Variants in TYR observed in about 807,000 individuals in gnomAD.
TYR encodes the protein tyrosinase, also known as LB24-AB.
Under a neutral mutation model 51.5 loss-of-function variants are expected in TYR, and 58 were observed. That is an observed-to-expected ratio of 1.13 (90% confidence interval 0.91 to 1.40). TYR has a LOEUF of 1.40. Ranked by LOEUF, TYR falls within the 40% of genes most tolerant of loss-of-function variation. TYR has a pLI of 0.00. For missense variants in TYR, 732 were observed against 647.4 expected (o/e 1.13, Z -1.42); for synonymous variants, 263 against 235.2 (o/e 1.12, Z -1.08).
intron 2 of TYR, among the ~76,000 whole-genome samples, chr11:89,216,568 G>A (rs910640635): frequency 3.5e-5 from 5 of 142,970 alleles, no homozygotes; most frequent in East Asian, 2.0e-4. Flanking sequence ...CTGGAGAATC[G>A]CTTGAACCCA....
intron 4 of TYR, among the ~76,000 whole-genome samples, chr11:89,286,969 G>T (rs1187111605): frequency 1.3e-5 from 2 of 151,726 alleles, no homozygotes; most frequent in Admixed American, 1.3e-4. Flanking sequence ...GACTTTCATG[G>T]GTTCATGCTT....
At position 89,284,867 on chromosome 11, in the gene TYR, G is replaced by A. The variant is rs1944763640; in HGVS notation, c.1279G>A (p.Val427Ile). 6.2e-7 allele frequency: 1 copy of A among 1,611,800 alleles called. No individual in the cohort carries two copies. Among genetic ancestry groups the A allele is most frequent in the Non-Finnish European group, 8.5e-7 (1 of 1,178,564 alleles). Reference sequence around the variant, plus strand: ...TGGACATAACCGGGAATCCTACATGGTTCCTTTTATACCACTGTACAGAAA... The same window carrying A: ...TGGACATAACCGGGAATCCTACATGATTCCTTTTATACCACTGTACAGAAA... The part of the protein sequence containing the change: ...PIGHNRESYM[V>I]PFIPLYRNGD... Residue 427 changes from valine (V) to isoleucine (I), a missense_variant, in exon 4 of 5, where the codon GTT becomes ATT. Transcript: ENST00000263321.
chr11:89,252,851 A>C (rs12808219), intron 3 of TYR, among the ~76,000 whole-genome samples: 1,919 of 151,826 alleles, frequency 0.013, 21 homozygotes, highest in Middle Eastern at 0.034. Flanking sequence ...ACATTCAGGA[A>C]ATACTCCTTT....
chr11:89,273,119 T>C (rs1433527201), intron 3 of TYR, among the ~76,000 whole-genome samples: 4 of 151,938 alleles, frequency 2.6e-5, no homozygotes, highest in Non-Finnish European at 4.4e-5. Flanking sequence ...ATTTACACCT[T>C]GACTGTATTT....
chr11:89,187,650 A>C (rs1943392697), intron 1 of TYR, among the ~76,000 whole-genome samples: 1 of 152,128 alleles, frequency 6.6e-6, no homozygotes, highest in Non-Finnish European at 1.5e-5. Flanking sequence ...CCCCCGTTTT[A>C]TAAACTATAA....
At chr11:89,190,761 A>G (rs1295166697) in intron 1 of TYR, among the ~76,000 whole-genome samples, 1 of 152,056 alleles carries the variant, frequency 6.6e-6, no homozygotes, top group Non-Finnish European at 1.5e-5. Flanking sequence ...AGGTCCATTT[A>G]TGGTAAGTGT....
chr11:89,290,475 T>C (rs1016021233), intron 4 of TYR, among the ~76,000 whole-genome samples: 1 of 152,118 alleles, frequency 6.6e-6, no homozygotes, highest in Non-Finnish European at 1.5e-5. Context: ...CTATGTATCC[T>C]GCCTTTTTTT....
chr11:89,252,181 T>C (rs1944338592), intron 3 of TYR, among the ~76,000 whole-genome samples: 1 of 151,834 alleles, frequency 6.6e-6, no homozygotes, highest in African/African-American at 2.4e-5. Flanking sequence ...GATATTAGAC[T>C]ATGAGAATCT....
chr11:89,249,835 T>C (rs35963892), intron 3 of TYR, among the ~76,000 whole-genome samples: 18,559 of 151,894 alleles, frequency 0.12, 2,249 homozygotes, highest in African/African-American at 0.31. Flanking sequence ...AAGGAAAAAA[T>C]TGCCACAGCA....
intron 3 of TYR, among the ~76,000 whole-genome samples, chr11:89,259,505 C>T (rs762235259): frequency 6.6e-5 from 10 of 152,006 alleles, no homozygotes; most frequent in Non-Finnish European, 1.3e-4. Context: ...TTGGAAATAA[C>T]ATCAAATATT....
chr11:89,258,447 CAA>C (rs1234640987), intron 3 of TYR, among the ~76,000 whole-genome samples: 4 of 114,458 alleles, frequency 3.5e-5, no homozygotes, highest in Non-Finnish European at 1.9e-5. Flanking sequence ...TGAAAATGTG[CAA>C]AAAAAAAAAA....
At chr11:89,279,817 T>C (rs1365671266) in intron 3 of TYR, among the ~76,000 whole-genome samples, 1 of 151,776 alleles carries the variant, frequency 6.6e-6, no homozygotes. Flanking sequence ...CATGTTTTTA[T>C]ACTGCACTCT....
At chr11:89,212,196 G>T (rs956152527) in intron 2 of TYR, among the ~76,000 whole-genome samples, 1 of 151,918 alleles carries the variant, frequency 6.6e-6, no homozygotes, top group Admixed American at 6.6e-5. Context: ...TAGAACATTA[G>T]CAAGACTAAT....
At chr11:89,274,589 A>C (rs1208094332) in intron 3 of TYR, among the ~76,000 whole-genome samples, 16 of 151,776 alleles carry the variant, frequency 1.1e-4, no homozygotes. Flanking sequence ...TATTATCCAC[A>C]TTTTACAGAT....
At chr11:89,282,195 G>T (rs1056966373) in intron 3 of TYR, among the ~76,000 whole-genome samples, 2 of 151,734 alleles carry the variant, frequency 1.3e-5, no homozygotes, top group African/African-American at 4.8e-5. Flanking sequence ...GCAGAAACAA[G>T]ATTATTTATA....
intron 3 of TYR, among the ~76,000 whole-genome samples, chr11:89,245,748 C>A (rs1386467976): frequency 6.6e-6 from 1 of 152,012 alleles, no homozygotes; most frequent in African/African-American, 2.4e-5. Context: ...TGGTGAAACT[C>A]GGTCTCTACT....
intron 3 of TYR, among the ~76,000 whole-genome samples, chr11:89,260,831 G>A (rs1170208612): frequency 6.6e-6 from 1 of 152,078 alleles, no homozygotes; most frequent in Admixed American, 6.6e-5. Context: ...CCCAACCCCT[G>A]GGCCATGGGC....
At chr11:89,230,906 T>TAAA (rs71052219) in intron 3 of TYR, among the ~76,000 whole-genome samples, 3,137 of 139,330 alleles carry the variant, frequency 0.023, 105 homozygotes, top group African/African-American at 0.076. Flanking sequence ...GAGACTATGT[T>TAAA]AAAAAAAAAA....
intron 4 of TYR, among the ~76,000 whole-genome samples, chr11:89,289,368 C>A (rs1408100980): frequency 6.6e-6 from 1 of 151,984 alleles, no homozygotes; most frequent in Non-Finnish European, 1.5e-5. Flanking sequence ...TGTGTGCATG[C>A]TGTTCTTTTC....
Sources: gnomAD v4.1 joint callset for allele counts (sites outside exome capture counted in the v4.1 genomes callset) on GRCh38, gnomAD v4.1.1 for gene constraint, MANE v1.5 for transcripts, NCBI Gene and HGNC (gene_info 2026-07-23, HGNC 2026-07-21) for gene names.